The following JOSD1 variants were observed in gnomAD, a reference collection of about 807,000 sequenced individuals.
JOSD1 encodes Josephin domain containing 1.
JOSD1 carries 11 observed loss-of-function variants against 24.3 expected under a neutral mutation model. The ratio of observed to expected loss-of-function variants is 0.45; its 90% confidence interval spans 0.29 to 0.75. The LOEUF is 0.75. Ranked by LOEUF, JOSD1 falls within the 30% of genes least tolerant of loss-of-function variation. The pLI is 0.11. For synonymous variants in JOSD1, 106 were observed against 93.8 expected (o/e 1.13, Z -0.75); for missense variants, 184 against 253.5 (o/e 0.73, Z 1.86).
At chr22:38,698,491 C>T (rs2092554256) in intron 2 of JOSD1, among the ~76,000 whole-genome samples, 1 of 152,186 alleles carries the variant, frequency 6.6e-6, no homozygotes, top group African/African-American at 2.4e-5. Context: ...ATTCTGGTCC[C>T]TATGTGGCAA....
At chr22:38,688,315 T>C (rs759680582) in intron 4 of JOSD1, among the ~76,000 whole-genome samples, 3 of 152,158 alleles carry the variant, frequency 2.0e-5, no homozygotes, top group Non-Finnish European at 2.9e-5. Flanking sequence ...TGGGCTGGAG[T>C]GCAATGGCAT....
Position 38,700,908 on chromosome 22 carries a change from G to C in JOSD1, c.-740C>G. 1 of 984,534 alleles carries C rather than the reference G, an allele frequency of 1.0e-6. No homozygotes were observed. Among genetic ancestry groups the C allele is most frequent in the Non-Finnish European group, 1.2e-6 (1 of 829,654 alleles). 61.0% of individuals were successfully genotyped at this position (984,534 alleles called of 1,614,324 possible). On this transcript the variant is annotated 5_prime_UTR_variant, in exon 1 of 5. Transcript: ENST00000683374. ...CGCCGCTGGCGGTCCCCTCACCGCA[G>C]CCGGCCGCCACCTGGAGTGCGCGCC...
In JOSD1 at chr22:38,686,217, A is replaced by G. The variant is rs1255443028; in HGVS notation, c.*1685T>C. ...GTAGCCGCTTGGTGGCCTGTTACTC[A>G]GCATTAAAAAAACGGCCTTGTTGGA... is the stretch of plus-strand genomic sequence containing the variant. On this transcript the variant is annotated 3_prime_UTR_variant, in exon 5 of 5. Transcript: ENST00000683374. 6.6e-6 allele frequency: 1 copy of G among 152,608 alleles called. No individual in the cohort carries two copies. Among genetic ancestry groups the G allele is most frequent in the African/African-American group, 2.4e-5 (1 of 41,444 alleles). 9.5% of individuals were successfully genotyped at this position (152,608 alleles called of 1,614,324 possible).
rs1246610922 is a variant in JOSD1 at position 38,688,960 on chromosome 22, A to G, written c.484T>C (p.Trp162Arg). The G allele has an allele frequency of 6.2e-7, 1 of 1,613,864 alleles. No homozygotes were observed. The highest frequency in any genetic ancestry group is 1.7e-5 in the Admixed American group (1 of 60,012). Residue 162 changes from tryptophan (W) to arginine (R), a missense_variant, in exon 4 of 5, where the codon TGG becomes CGG. Transcript: ENST00000683374. Reference protein sequence around the residue: ...NLDSKLKMPEWIGGESELRKF... With the variant: ...NLDSKLKMPERIGGESELRKF... ...CTGAGCTCGCTCTCGCCTCCAATCC[A>G]CTCGGGCATCTTGAGTTTGGAGTCG...
intron 2 of JOSD1, among the ~76,000 whole-genome samples, chr22:38,699,360 G>A (rs142218979): frequency 8.0e-4 from 122 of 152,182 alleles, no homozygotes; most frequent in Non-Finnish European, 1.5e-3. Flanking sequence ...AAAGACAGGT[G>A]ACTGAACGTG....
intron 2 of JOSD1, among the ~76,000 whole-genome samples, chr22:38,691,982 G>T (rs1041696250): frequency 6.6e-5 from 10 of 152,178 alleles, no homozygotes; most frequent in Non-Finnish European, 1.2e-4. Context: ...TTGCTGAAAT[G>T]TTCAGTGTTT....
At position 38,696,529 on chromosome 22, in the gene JOSD1, C is replaced by T. The variant is rs192523875; in HGVS notation, c.185+3274G>A. On this transcript the variant is annotated intron_variant, in intron 2 of 4. Coordinates refer to ENST00000683374, the MANE Select transcript of JOSD1 (RefSeq NM_001360236.2). ...TGCTGGGATTACATGCGTGAGCCAC[C>T]GTGCCTGGCCCACATTCTTTATATA... Among the ~76,000 whole-genome samples, 419 of 152,258 alleles carry T rather than the reference C, an allele frequency of 2.8e-3. 1 individual carries two copies. The highest frequency in any genetic ancestry group is 0.02 in the Middle Eastern group (6 of 294).
Position 38,700,634 on chromosome 22 carries a change from CA to C in JOSD1, c.-631-17del. 1.0e-6 allele frequency: 1 copy of C among 984,672 alleles called. No individual in the cohort carries two copies. The highest frequency in any genetic ancestry group is 1.2e-6 in the Non-Finnish European group (1 of 829,294). The allele number at this position is 984,672 out of a possible 1,614,324, so 61.0% of individuals were successfully genotyped here. On this transcript the variant is annotated splice_polypyrimidine_tract_variant and intron_variant, in intron 1 of 4. Transcript: ENST00000683374. Reference sequence around the variant, plus strand: ...GGCCGCGGCCCTGCGGAGGAGGAGACAACTCCGGTCAGCGGCGAGCGGGCGC... The same window carrying C: ...GGCCGCGGCCCTGCGGAGGAGGAGACACTCCGGTCAGCGGCGAGCGGGCGC...
rs762008890 is a variant in JOSD1 at position 38,687,861 on chromosome 22, G to T, written c.*41C>A. 7.4e-7 allele frequency: 1 copy of T among 1,357,866 alleles called. No homozygotes were observed. The highest frequency in any genetic ancestry group is 1.2e-5 in the South Asian group (1 of 85,892). 84.1% of individuals were successfully genotyped at this position (1,357,866 alleles called of 1,614,324 possible). ...GTAGAGGCCACAGCACGTCACAGAGGACTGAAGGGGCTGAGGCGAGAGGGA... is the reference window on the plus strand; with the variant it reads ...GTAGAGGCCACAGCACGTCACAGAGTACTGAAGGGGCTGAGGCGAGAGGGA... On this transcript the variant is annotated 3_prime_UTR_variant, in exon 5 of 5. Transcript: ENST00000683374.
In JOSD1 at chr22:38,688,058, A is replaced by G. The variant is rs576980091; in HGVS notation, c.510-57T>C. 8.3e-6 allele frequency: 10 copies of G among 1,198,518 alleles called. No homozygotes were observed. The South Asian group carries it at 9.9e-5, about 12-fold the overall frequency. 74.2% of individuals were successfully genotyped at this position (1,198,518 alleles called of 1,614,324 possible). On this transcript the variant is annotated intron_variant, in intron 4 of 4. Transcript: ENST00000683374. The stretch of plus-strand genomic sequence containing the variant: ...CTGGCAAGTTGCAAATTCCAGTCTC[A>G]GGACCACAAAGTCACCTGAAACCTC...
At chr22:38,695,714 T>G (rs2092543076) in intron 2 of JOSD1, among the ~76,000 whole-genome samples, 1 of 151,832 alleles carries the variant, frequency 6.6e-6, no homozygotes, top group African/African-American at 2.4e-5. Flanking sequence ...CCCAAAGTGC[T>G]GGGATTACAG....
Position 38,700,815 on chromosome 22 carries a change from G to A in JOSD1, c.-647C>T. ...CTACACAAACCTCCCCGCCCGTCAC[G>A]TGAGCGCAGGCCCAGACGCCCTCCC... is the stretch of plus-strand genomic sequence containing the variant. On this transcript the variant is annotated 5_prime_UTR_variant, in exon 1 of 5. In the 5' UTR this introduces an upstream ATG that the reference lacks. Coordinates refer to ENST00000683374, the MANE Select transcript of JOSD1 (RefSeq NM_001360236.2). The A allele has an allele frequency of 2.0e-6, 2 of 984,942 alleles. No individual in the cohort carries two copies. Among genetic ancestry groups the A allele is most frequent in the Non-Finnish European group, 2.4e-6 (2 of 829,844 alleles). The allele number at this position is 984,942 out of a possible 1,614,324, so 61.0% of individuals were successfully genotyped here.
At chr22:38,697,871 G>A (rs1224564596) in intron 2 of JOSD1, among the ~76,000 whole-genome samples, 2 of 150,678 alleles carry the variant, frequency 1.3e-5, no homozygotes, top group Non-Finnish European at 2.9e-5. Context: ...AGTCAGATCA[G>A]GGGCCAAATG....
Position 38,700,900 on chromosome 22 carries a change from T to C in JOSD1, c.-732A>G, listed in dbSNP as rs934781848. 4,345 of 984,174 alleles carry C rather than the reference T, an allele frequency of 4.4e-3. 13 individuals carry two copies. The highest frequency in any genetic ancestry group is 5.1e-3 in the Non-Finnish European group (4,211 of 829,564). The allele number at this position is 984,174 out of a possible 1,614,324, so 61.0% of individuals were successfully genotyped here. ...GGACTGCTCGCCGCTGGCGGTCCCC[T>C]CACCGCAGCCGGCCGCCACCTGGAG... On this transcript the variant is annotated 5_prime_UTR_variant, in exon 1 of 5. Transcript: ENST00000683374.
upstream of JOSD1, chr22:38,701,084 G>T: frequency 1.4e-6 from 1 of 705,602 alleles, no homozygotes; most frequent in Non-Finnish European, 1.7e-6. Context: ...CATCGGCACC[G>T]GCCTGGGAGC....
chr22:38,688,691 A>G (rs2092508808), intron 4 of JOSD1, among the ~76,000 whole-genome samples: 1 of 152,350 alleles, frequency 6.6e-6, no homozygotes, highest in South Asian at 2.1e-4. Flanking sequence ...TTACAATGCC[A>G]GCCCCACCAG....
Position 38,700,519 on chromosome 22 carries a change from C to T in JOSD1, c.-532G>A. Reference sequence around the variant, plus strand: ...GGCAGGCGTGGGACCGCGAGCCGCGCGGGGGCCTCGGGGGCAGCCCTCCAT... The same window carrying T: ...GGCAGGCGTGGGACCGCGAGCCGCGTGGGGGCCTCGGGGGCAGCCCTCCAT... On this transcript the variant is annotated 5_prime_UTR_variant, in exon 2 of 5. Transcript: ENST00000683374. The T allele has an allele frequency of 7.1e-6, 7 of 985,886 alleles. No homozygotes were observed. The highest frequency in any genetic ancestry group is 8.4e-6 in the Non-Finnish European group (7 of 830,308). 61.1% of individuals were successfully genotyped at this position (985,886 alleles called of 1,614,324 possible). A position where few individuals can be genotyped will look rare whatever the true frequency, so the allele number is the denominator to read the frequency against.
chr22:38,688,074 C>T, intron 4 of JOSD1, 73 bp from the exon 5 acceptor site: 3 of 1,007,546 alleles, frequency 3.0e-6, no homozygotes, highest in Non-Finnish European at 4.7e-6. Context: ...ACAAAGTCAC[C>T]TGAAACCTCA....
intron 2 of JOSD1, among the ~76,000 whole-genome samples, chr22:38,697,438 T>A (rs2092550254): frequency 6.6e-6 from 1 of 152,368 alleles, no homozygotes; most frequent in African/African-American, 2.4e-5. Context: ...TCAAAAGGAA[T>A]AGGATCTTAG....
Sources: gnomAD v4.1 joint callset for allele counts (sites outside exome capture counted in the v4.1 genomes callset) on GRCh38, gnomAD v4.1.1 for gene constraint, MANE v1.5 for transcripts, NCBI Gene and HGNC (gene_info 2026-07-23, HGNC 2026-07-21) for gene names.